The following TAFA2 variants were observed in gnomAD, a reference collection of about 807,000 sequenced individuals.
TAFA2 encodes the protein chemokine-like protein TAFA-2.
TAFA2 carries 7 observed loss-of-function variants against 18.8 expected under a neutral mutation model. The ratio of observed to expected loss-of-function variants is 0.37; its 90% CI spans 0.21 to 0.70. The LOEUF is 0.70. Ranked by LOEUF, TAFA2 falls within the 30% of genes least tolerant of loss-of-function variation. The pLI, the probability that TAFA2 is intolerant of heterozygous loss-of-function variation, is 0.53. For missense variants in TAFA2, 122 were observed against 158.1 expected, an observed-to-expected ratio of 0.77 and a Z score of 1.23; for synonymous variants, 60 against 54.2, an observed-to-expected ratio of 1.11 and a Z score of -0.47.
chr12:61,979,168 A>T (rs1204583866), intron 1 of TAFA2, among the ~76,000 whole-genome samples: 1 of 151,946 alleles, frequency 6.6e-6, no homozygotes, highest in Non-Finnish European at 1.5e-5. Flanking sequence ...GGTCAAACAA[A>T]CTCCCCCAAA....
chr12:62,103,039 A>T (rs568044569), intron 1 of TAFA2, among the ~76,000 whole-genome samples: 2 of 152,316 alleles, frequency 1.3e-5, no homozygotes, highest in East Asian at 3.9e-4. Context: ...AGCCCTGCTG[A>T]CAATAGATGT....
intron 1 of TAFA2, among the ~76,000 whole-genome samples, chr12:62,020,037 T>C (rs1017982173): frequency 2.6e-5 from 4 of 152,200 alleles, no homozygotes; most frequent in Admixed American, 2.0e-4. Flanking sequence ...ACTATAAATA[T>C]TGAAAGACAG....
At chr12:62,024,615 T>C (rs1033169568) in intron 1 of TAFA2, among the ~76,000 whole-genome samples, 5 of 152,006 alleles carry the variant, frequency 3.3e-5, no homozygotes, top group African/African-American at 4.8e-5. Flanking sequence ...GACAAGTCAA[T>C]GCTAATTAAG....
intron 1 of TAFA2, among the ~76,000 whole-genome samples, chr12:62,103,868 T>C (rs548902706): frequency 1.1e-4 from 17 of 152,158 alleles, no homozygotes; most frequent in Non-Finnish European, 2.1e-4. Flanking sequence ...TATTCAGGCA[T>C]TGCTCAGACT....
intron 1 of TAFA2, among the ~76,000 whole-genome samples, chr12:62,082,920 T>G (rs1277159883): frequency 3.9e-5 from 6 of 152,222 alleles, no homozygotes; most frequent in African/African-American, 1.4e-4. Flanking sequence ...ACAGTGATTT[T>G]TTTTCCATTT....
At chr12:62,093,141 T>C (rs1269144337) in intron 1 of TAFA2, among the ~76,000 whole-genome samples, 1 of 152,064 alleles carries the variant, frequency 6.6e-6, no homozygotes, top group Non-Finnish European at 1.5e-5. Context: ...AATTTTCTTT[T>C]ACAATGCTTT....
At chr12:61,736,847 A>T (rs1868312868) in intron 4 of TAFA2, among the ~76,000 whole-genome samples, 1 of 152,022 alleles carries the variant, frequency 6.6e-6, no homozygotes, top group Admixed American at 6.6e-5. Context: ...GATAGGCAAA[A>T]AAGAGGATTC....
At chr12:62,107,156 G>A (rs1292818965) in intron 1 of TAFA2, among the ~76,000 whole-genome samples, 1 of 152,090 alleles carries the variant, frequency 6.6e-6, no homozygotes, top group Non-Finnish European at 1.5e-5. Flanking sequence ...CTCTACTTCA[G>A]ACAAAAGTGT....
chr12:61,885,280 C>T (rs544231008), intron 1 of TAFA2, among the ~76,000 whole-genome samples: 9 of 152,090 alleles, frequency 5.9e-5, no homozygotes, highest in Non-Finnish European at 8.8e-5. Flanking sequence ...GCATGCTATG[C>T]GTCAGATAAA....
At chr12:62,048,513 C>CA (rs1881967744) in intron 1 of TAFA2, among the ~76,000 whole-genome samples, 1 of 152,192 alleles carries the variant, frequency 6.6e-6, no homozygotes, top group Non-Finnish European at 1.5e-5. Context: ...TATCAATACT[C>CA]ATGGAATACT....
intron 1 of TAFA2, among the ~76,000 whole-genome samples, chr12:62,046,856 CATT>C (rs1180096239): frequency 1.3e-5 from 2 of 152,000 alleles, no homozygotes; most frequent in African/African-American, 2.4e-5. Context: ...CCTTTTAAAA[CATT>C]ATTTGCAAAA....
At chr12:62,003,123 C>A (rs1880433465) in intron 1 of TAFA2, among the ~76,000 whole-genome samples, 1 of 152,176 alleles carries the variant, frequency 6.6e-6, no homozygotes, top group Admixed American at 6.5e-5. Flanking sequence ...AGTCTCCTAA[C>A]AGGTTCCCCA....
At chr12:62,122,642 A>G (rs1366781823) in intron 1 of TAFA2, among the ~76,000 whole-genome samples, 1 of 152,196 alleles carries the variant, frequency 6.6e-6, no homozygotes, top group African/African-American at 2.4e-5. Flanking sequence ...CATAGTCCAT[A>G]TATACCCACC....
chr12:61,937,658 A>G (rs993415483), intron 1 of TAFA2, among the ~76,000 whole-genome samples: 3 of 152,230 alleles, frequency 2.0e-5, no homozygotes, highest in African/African-American at 7.2e-5. Flanking sequence ...AATCAACTGA[A>G]GATGGAGCAA....
intron 1 of TAFA2, among the ~76,000 whole-genome samples, chr12:61,913,284 A>C (rs1592481645): frequency 6.6e-6 from 1 of 152,244 alleles, no homozygotes. Context: ...CCTGATTACT[A>C]TACACAGTGC....
chr12:62,166,628 T>C (rs1301007783), intron 1 of TAFA2, among the ~76,000 whole-genome samples: 1 of 152,204 alleles, frequency 6.6e-6, no homozygotes, highest in East Asian at 1.9e-4. Context: ...GATTGCAAAA[T>C]AGCTCTTTAA....
At chr12:61,712,654 A>G (rs76520570) in intron 4 of TAFA2, among the ~76,000 whole-genome samples, 2,885 of 152,256 alleles carry the variant, frequency 0.019, 85 homozygotes, top group African/African-American at 0.064. Context: ...CTAAACACAC[A>G]TGGATTACAG....
intron 1 of TAFA2, among the ~76,000 whole-genome samples, chr12:62,057,018 A>T (rs1882205336): frequency 6.6e-6 from 1 of 152,146 alleles, no homozygotes; most frequent in Non-Finnish European, 1.5e-5. Context: ...ACGTACCTCC[A>T]TTGCTATTCC....
chr12:61,895,693 G>T (rs1565672549), intron 1 of TAFA2, among the ~76,000 whole-genome samples: 3 of 152,160 alleles, frequency 2.0e-5, no homozygotes. Context: ...TTCAGAGAGT[G>T]AACGTTTTAG....
Sources: gnomAD v4.1 joint callset for allele counts (sites outside exome capture counted in the v4.1 genomes callset) on GRCh38, gnomAD v4.1.1 for gene constraint, MANE v1.5 for transcripts, NCBI Gene and HGNC (gene_info 2026-07-23, HGNC 2026-07-21) for gene names.